The following FAM120C variants were observed in gnomAD, a reference collection of about 807,000 sequenced individuals.
The protein encoded by FAM120C is constitutive coactivator of PPAR-gamma-like protein 2.
FAM120C carries 14 observed loss-of-function variants against 71.2 expected under a neutral mutation model. That is an observed-to-expected ratio of 0.20 (90% CI 0.13 to 0.31). The LOEUF is 0.31. Among genes scored for constraint, FAM120C ranks in the 10% least tolerant of loss-of-function variants. FAM120C has a pLI of 1.00. For synonymous variants in FAM120C, 354 were observed against 353.2 expected, an observed-to-expected ratio of 1.00 and a Z score of -0.03; for missense variants, 500 against 879.0, an observed-to-expected ratio of 0.57 and a Z score of 5.45.
At chrX:54,180,409 G>C (rs2067342057) in intron 1 of FAM120C, among the ~76,000 whole-genome samples, 1 of 112,291 alleles carries the variant, frequency 8.9e-6, no homozygotes, top group African/African-American at 3.2e-5. Flanking sequence ...CACAGTATCT[G>C]CAATTTATTA....
chrX:54,111,522 T>A (rs2066937151), intron 10 of FAM120C, among the ~76,000 whole-genome samples: 1 of 82,215 alleles, frequency 1.2e-5, no homozygotes, highest in Non-Finnish European at 2.3e-5. Context: ...AATCAAGAAG[T>A]CAATCCCATT....
At chrX:54,172,874 C>T (rs1238987454) in intron 1 of FAM120C, among the ~76,000 whole-genome samples, 1 of 112,287 alleles carries the variant, frequency 8.9e-6, no homozygotes, top group Non-Finnish European at 1.9e-5. Context: ...GCTACGTATA[C>T]AGCTAAATGT....
At chrX:54,162,776 T>C (rs868987150) in intron 1 of FAM120C, among the ~76,000 whole-genome samples, 1 of 111,574 alleles carries the variant, frequency 9.0e-6, no homozygotes. Flanking sequence ...CAAACCCCCC[T>C]CACATCCACT....
At chrX:54,124,518 A>G (rs1308806510) in intron 9 of FAM120C, among the ~76,000 whole-genome samples, 1 of 95,687 alleles carries the variant, frequency 1.0e-5, no homozygotes, top group Middle Eastern at 4.7e-3. Context: ...TGACTCGGAA[A>G]GGGAACTCCC....
At chrX:54,135,714 A>G (rs2067091181) in intron 5 of FAM120C, 110 bp from the exon 6 acceptor site, 6 of 571,459 alleles carry the variant, frequency 1.0e-5, no homozygotes, top group Non-Finnish European at 1.7e-5. Flanking sequence ...ATAAGTTACA[A>G]TTTATTGAAC....
chrX:54,156,886 CA>C (rs782182111), intron 3 of FAM120C, among the ~76,000 whole-genome samples: 1,075 of 32,716 alleles, frequency 0.033, 4 homozygotes, highest in Middle Eastern at 0.071. Flanking sequence ...GACTTTGCCT[CA>C]AAAAAAAAAA....
chrX:54,095,143 G>A (rs782272440), intron 10 of FAM120C, among the ~76,000 whole-genome samples: 1 of 111,600 alleles, frequency 9.0e-6, no homozygotes, highest in Non-Finnish European at 1.9e-5. Flanking sequence ...CACAGCAGGT[G>A]CTTTTAGTTA....
chrX:54,163,440 C>T (rs1557134655), intron 1 of FAM120C, among the ~76,000 whole-genome samples: 1 of 111,897 alleles, frequency 8.9e-6, no homozygotes, highest in Non-Finnish European at 1.9e-5. Context: ...TATTGTATGA[C>T]TTCTTTCATA....
chrX:54,097,254 G>A (rs1557123429), intron 10 of FAM120C, among the ~76,000 whole-genome samples: 1 of 111,949 alleles, frequency 8.9e-6, no homozygotes, highest in Non-Finnish European at 1.9e-5. Flanking sequence ...GGCAGTCTCT[G>A]TTCCTGCCTT....
intron 10 of FAM120C, among the ~76,000 whole-genome samples, chrX:54,109,804 G>T (rs928960177): frequency 9.7e-6 from 1 of 103,566 alleles, no homozygotes; most frequent in East Asian, 3.1e-4. Context: ...GTGACAGAGC[G>T]AGACTCCGTC....
rs185168633 is a variant in FAM120C, at chrX:54,142,517, G to A, written c.1159-5927C>T. On this transcript the variant is annotated intron_variant, in intron 4 of 15. Transcript: ENST00000375180. Reference sequence around the variant, plus strand: ...TGGCACAGCAGTCTGAGGTCGAACTGCAAGGCAGCAGCGAGGCTGGGGGAG... The same window carrying A: ...TGGCACAGCAGTCTGAGGTCGAACTACAAGGCAGCAGCGAGGCTGGGGGAG... 7.2e-3 allele frequency among the ~76,000 whole-genome samples: 811 copies of A among 112,132 alleles called. 32 individuals are homozygous for A. Among genetic ancestry groups the A allele is most frequent in the Admixed American group, 0.071 (753 of 10,547 alleles).
chrX:54,147,477 C>T (rs1206647107), intron 4 of FAM120C: 1 of 111,157 alleles, frequency 9.0e-6, no homozygotes, highest in African/African-American at 3.3e-5. Context: ...TGGCAAATGT[C>T]GTTACCCTCC....
intron 15 of FAM120C, among the ~76,000 whole-genome samples, chrX:54,076,251 A>T (rs1239991107): frequency 3.6e-5 from 4 of 110,214 alleles, no homozygotes; most frequent in African/African-American, 1.3e-4. Flanking sequence ...AGGCAGGACA[A>T]TCGCTTGAAC....
chrX:54,172,272 T>C (rs1054295186), intron 1 of FAM120C, among the ~76,000 whole-genome samples: 1 of 112,281 alleles, frequency 8.9e-6, no homozygotes, highest in Non-Finnish European at 1.9e-5. Flanking sequence ...TTGAGTATCA[T>C]GTTCAACTAA....
intron 10 of FAM120C, among the ~76,000 whole-genome samples, chrX:54,092,555 A>G (rs1386041368): frequency 5.5e-5 from 6 of 109,058 alleles, no homozygotes; most frequent in South Asian, 4.0e-4. Flanking sequence ...GGAGAGGGAG[A>G]AGGAGGAGGA....
chrX:54,165,338 T>G (rs1557134994), intron 1 of FAM120C, among the ~76,000 whole-genome samples: 3 of 111,879 alleles, frequency 2.7e-5, no homozygotes, highest in Admixed American at 1.9e-4. Flanking sequence ...TTCCCTTTAT[T>G]TATATGCCAT....
At position 54,073,007 on chromosome X, in the gene FAM120C, G is replaced by C; in HGVS notation, c.*26C>G. Reference sequence around the variant, plus strand: ...AAAGTAAAAGTTTTTCCCTCTTCCTGGTTTGGTGAAGCCATCTTCAGCTTA... The same window carrying C: ...AAAGTAAAAGTTTTTCCCTCTTCCTCGTTTGGTGAAGCCATCTTCAGCTTA... On this transcript the variant is annotated 3_prime_UTR_variant, in exon 16 of 16. Transcript: ENST00000375180. The C allele has an allele frequency of 8.5e-7, 1 of 1,180,473 alleles. No homozygotes were observed. Among genetic ancestry groups the C allele is most frequent in the Non-Finnish European group, 1.1e-6 (1 of 878,478 alleles).
At chrX:54,174,006 G>A in intron 1 of FAM120C, 2 of 477,473 alleles carry the variant, frequency 4.2e-6, no homozygotes, top group Non-Finnish European at 7.5e-6. Context: ...TCACGTACGT[G>A]GCTGTTGGCA....
chrX:54,109,684 A>C (rs2066925331), intron 10 of FAM120C, among the ~76,000 whole-genome samples: 4 of 106,591 alleles, frequency 3.8e-5, no homozygotes, highest in African/African-American at 1.4e-4. Context: ...CTGGTAACGA[A>C]TACCTGAAAA....
Sources: allele counts gnomAD v4.1 joint callset (sites outside exome capture counted in the v4.1 genomes callset), GRCh38; gene constraint gnomAD v4.1.1; transcripts MANE v1.5; gene names NCBI Gene and HGNC (gene_info 2026-07-23, HGNC 2026-07-21).